CDH6: variants seen among roughly 807,000 people sequenced by gnomAD.
CDH6 encodes cadherin-6.
In CDH6, 31 loss-of-function variants were observed where a neutral mutation model predicts 78.0. The ratio of observed to expected loss-of-function variants is 0.40; its 90% confidence interval spans 0.30 to 0.54. CDH6 has a LOEUF of 0.54. Among genes scored for constraint, CDH6 ranks in the 20% least tolerant of loss-of-function variants. The pLI is 0.56. For missense variants in CDH6, 724 were observed against 975.9 expected (o/e 0.74, Z 3.44); for synonymous variants, 376 against 368.8 (o/e 1.02, Z -0.23).
intron 1 of CDH6, among the ~76,000 whole-genome samples, chr5:31,242,922 C>T (rs902781676): frequency 2.0e-5 from 3 of 151,584 alleles, no homozygotes; most frequent in Admixed American, 2.0e-4. Context: ...GGTAGATGAG[C>T]AGTCACAAAA....
At chr5:31,260,337 T>A (rs148886839) in intron 1 of CDH6, among the ~76,000 whole-genome samples, 207 of 152,330 alleles carry the variant, frequency 1.4e-3, no homozygotes, top group African/African-American at 4.6e-3. Context: ...CCTTGACATG[T>A]GGCATGCCGG....
chr5:31,309,112 G>A (rs1738077896), intron 7 of CDH6, among the ~76,000 whole-genome samples: 2 of 151,974 alleles, frequency 1.3e-5, no homozygotes, highest in African/African-American at 2.4e-5. Context: ...AACAATAGCT[G>A]TTTCATTTGT....
At chr5:31,218,730 C>T (rs1055650262) in intron 1 of CDH6, among the ~76,000 whole-genome samples, 2 of 152,184 alleles carry the variant, frequency 1.3e-5, no homozygotes, top group Non-Finnish European at 2.9e-5. Context: ...AGACCTCCAG[C>T]TTGTATCCCT....
At chr5:31,311,435 C>T (rs546038117) in intron 7 of CDH6, among the ~76,000 whole-genome samples, 9 of 152,218 alleles carry the variant, frequency 5.9e-5, no homozygotes, top group Non-Finnish European at 1.3e-4. Context: ...GACTTTCCCA[C>T]ATCTTTCTTT....
intron 2 of CDH6, among the ~76,000 whole-genome samples, chr5:31,292,492 G>A (rs1579889647): frequency 2.0e-5 from 3 of 151,938 alleles, no homozygotes; most frequent in East Asian, 3.9e-4. Context: ...ATGCTTCTCC[G>A]AGCATTTTGT....
chr5:31,245,899 CTTTTTTTTTTTTT>C (rs71612205), intron 1 of CDH6, among the ~76,000 whole-genome samples: 1 of 87,668 alleles, frequency 1.1e-5, no homozygotes, highest in Non-Finnish European at 2.0e-5. Context: ...CTCTCTCTCT[CTTTTTTTTTTTTT>C]TTTTTTTTTT....
At chr5:31,224,556 G>GT (rs1741094946) in intron 1 of CDH6, among the ~76,000 whole-genome samples, 1 of 152,040 alleles carries the variant, frequency 6.6e-6, no homozygotes, top group Non-Finnish European at 1.5e-5. Flanking sequence ...CTCATTAGTG[G>GT]GTTTTTGTTT....
At chr5:31,308,293 C>A (rs1255027896) in intron 7 of CDH6, among the ~76,000 whole-genome samples, 1 of 152,002 alleles carries the variant, frequency 6.6e-6, no homozygotes, top group Non-Finnish European at 1.5e-5. Context: ...GTGAAAGAAT[C>A]TTATAATATG....
intron 1 of CDH6, among the ~76,000 whole-genome samples, chr5:31,254,621 G>A (rs1034025988): frequency 7.2e-5 from 11 of 152,218 alleles, no homozygotes; most frequent in African/African-American, 2.2e-4. Flanking sequence ...GTCTTAGAAC[G>A]TGTTCCCTGA....
At chr5:31,194,109 C>G (rs746932335) in intron 1 of CDH6, among the ~76,000 whole-genome samples, 11 of 151,794 alleles carry the variant, frequency 7.2e-5, no homozygotes, top group Non-Finnish European at 1.5e-4. Flanking sequence ...CGCCGCTTCC[C>G]GGGGAGCCTG....
At chr5:31,242,031 C>T (rs906955947) in intron 1 of CDH6, among the ~76,000 whole-genome samples, 1 of 152,188 alleles carries the variant, frequency 6.6e-6, no homozygotes, top group Admixed American at 6.5e-5. Context: ...GGTGAATCAT[C>T]CCACAACACA....
chr5:31,313,759 A>C (rs1738221818), intron 8 of CDH6, among the ~76,000 whole-genome samples: 1 of 151,470 alleles, frequency 6.6e-6, no homozygotes, highest in Non-Finnish European at 1.5e-5. Context: ...AGAACATTAC[A>C]TAAACAGCTG....
intron 1 of CDH6, among the ~76,000 whole-genome samples, chr5:31,236,531 C>T (rs556014462): frequency 6.6e-6 from 1 of 152,248 alleles, no homozygotes; most frequent in African/African-American, 2.4e-5. Context: ...TCGTGGTGAG[C>T]TCTGGCACAC....
chr5:31,227,526 G>A (rs73758179), intron 1 of CDH6, among the ~76,000 whole-genome samples: 44,773 of 151,876 alleles, frequency 0.29, 7,110 homozygotes, highest in Middle Eastern at 0.43. Context: ...TTTTCCCAGC[G>A]TTCTAGAATA....
chr5:31,230,206 T>C (rs1417227279), intron 1 of CDH6, among the ~76,000 whole-genome samples: 2 of 152,128 alleles, frequency 1.3e-5, no homozygotes, highest in African/African-American at 2.4e-5. Flanking sequence ...TCACTCAAGG[T>C]GATATTTAGG....
At position 31,199,479 on chromosome 5, in the gene CDH6, TGTATATATGTAC is replaced by T. The variant is rs1250770261; in HGVS notation, c.-129+5594_-129+5605del. On this transcript the variant is annotated intron_variant, in intron 1 of 11. Transcript: ENST00000265071. ...ATGTGTATATATACACACACATATGTGTATATATGTACACACACATATGTGTATATATATGTA... is the reference window on the plus strand; with the variant it reads ...ATGTGTATATATACACACACATATGTACACACATATGTGTATATATATGTA... Among the ~76,000 whole-genome samples the T allele has an allele frequency of 1.2e-3, 111 of 95,996 alleles. 2 individuals are homozygous for T. The highest frequency in any genetic ancestry group is 3.6e-3 in the African/African-American group (105 of 28,954). The allele number at this position is 95,996 out of a possible 152,430, so 63.0% of individuals were successfully genotyped here. A position where few individuals can be genotyped will look rare whatever the true frequency, so the allele number is the denominator to read the frequency against.
At chr5:31,220,549 A>C (rs1295546053) in intron 1 of CDH6, among the ~76,000 whole-genome samples, 1 of 152,202 alleles carries the variant, frequency 6.6e-6, no homozygotes, top group Non-Finnish European at 1.5e-5. Flanking sequence ...TACATAGGTG[A>C]ATAAAATAGA....
At chr5:31,218,941 T>C (rs140713124) in intron 1 of CDH6, among the ~76,000 whole-genome samples, 1 of 152,314 alleles carries the variant, frequency 6.6e-6, no homozygotes, top group East Asian at 1.9e-4. Context: ...GATGGGATGG[T>C]TAATTTTATG....
At chr5:31,312,051 C>G (rs1019957618) in intron 7 of CDH6, among the ~76,000 whole-genome samples, 5 of 152,194 alleles carry the variant, frequency 3.3e-5, no homozygotes, top group Non-Finnish European at 5.9e-5. Context: ...AAATATTTAT[C>G]AAGTTCCTAG....
Sources: gnomAD v4.1 joint callset for allele counts (sites outside exome capture counted in the v4.1 genomes callset) on GRCh38, gnomAD v4.1.1 for gene constraint, MANE v1.5 for transcripts, NCBI Gene and HGNC (gene_info 2026-07-23, HGNC 2026-07-21) for gene names.